ARHGEF18: variants seen among roughly 807,000 people sequenced by gnomAD.
The protein encoded by ARHGEF18 is rho guanine nucleotide exchange factor 18.
ARHGEF18 carries 93 observed loss-of-function variants against 155.7 expected under a neutral mutation model. That is an observed-to-expected ratio of 0.60 (90% CI 0.50 to 0.71). The LOEUF (loss-of-function observed/expected upper bound fraction) is 0.71, where lower values mean the gene tolerates loss of function less well. Ranked by LOEUF, ARHGEF18 falls within the 30% of genes least tolerant of loss-of-function variation. The pLI, the probability that ARHGEF18 is intolerant of heterozygous loss-of-function variation, is 0.00. For synonymous variants in ARHGEF18, 742 were observed against 753.1 expected, an observed-to-expected ratio of 0.99 and a Z score of 0.24; for missense variants, 1,593 against 1,816.1, an observed-to-expected ratio of 0.88 and a Z score of 2.23.
chr19:7,453,421 G>C, intron 16 of ARHGEF18, 46 bp from the exon 17 acceptor site: 1 of 1,547,016 alleles, frequency 6.5e-7, no homozygotes, highest in Middle Eastern at 1.7e-4. Flanking sequence ...CACTTCTGTT[G>C]TGTTAAAGTG....
intron 10 of ARHGEF18, among the ~76,000 whole-genome samples, chr19:7,384,064 C>T (rs917691512): frequency 6.6e-6 from 1 of 152,122 alleles, no homozygotes; most frequent in Non-Finnish European, 1.5e-5. Flanking sequence ...GTGGCAACTG[C>T]GTGTTAGAAA....
At chr19:7,429,223 C>T (rs1293963499) in intron 10 of ARHGEF18, among the ~76,000 whole-genome samples, 2 of 152,044 alleles carry the variant, frequency 1.3e-5, no homozygotes, top group African/African-American at 2.4e-5. Context: ...GTAGATGGGG[C>T]GGGATGAGAA....
chr19:7,459,115 G>A (rs928163061), intron 19 of ARHGEF18, among the ~76,000 whole-genome samples: 6 of 152,126 alleles, frequency 3.9e-5, no homozygotes, highest in Admixed American at 3.9e-4. Flanking sequence ...TGCAATCTCG[G>A]CTCACTGCAG....
At chr19:7,408,016 C>T (rs146210066) in intron 10 of ARHGEF18, among the ~76,000 whole-genome samples, 1,686 of 148,314 alleles carry the variant, frequency 0.011, 10 homozygotes, top group Admixed American at 0.018. Flanking sequence ...CAGTGGCTCA[C>T]GCCTGTAATC....
chr19:7,393,859 G>A (rs886884620), intron 10 of ARHGEF18, among the ~76,000 whole-genome samples: 2 of 149,218 alleles, frequency 1.3e-5, no homozygotes, highest in African/African-American at 2.5e-5. Context: ...ACATATTTGG[G>A]GGTTACCTGG....
downstream of ARHGEF18, chr19:7,476,924 C>T (rs1055897509): frequency 4.8e-5 from 19 of 394,934 alleles, no homozygotes; most frequent in Non-Finnish European, 2.2e-5. Flanking sequence ...TCTCAAGGCA[C>T]GACAGGCCCC....
chr19:7,405,039 C>T (rs979089449), intron 10 of ARHGEF18, among the ~76,000 whole-genome samples: 4 of 151,896 alleles, frequency 2.6e-5, no homozygotes, highest in African/African-American at 9.7e-5. Context: ...CTCACTGCAA[C>T]CTCTGTGTAC....
intron 10 of ARHGEF18, among the ~76,000 whole-genome samples, chr19:7,392,253 A>G (rs1195623382): frequency 1.3e-5 from 2 of 151,694 alleles, no homozygotes; most frequent in African/African-American, 4.8e-5. Context: ...AAAAAAAAAA[A>G]AAAAAAAAGA....
At chr19:7,435,891 T>G (rs117675781) in intron 10 of ARHGEF18, among the ~76,000 whole-genome samples, 1,798 of 152,236 alleles carry the variant, frequency 0.012, 18 homozygotes, top group Non-Finnish European at 0.019. Context: ...TGGAGTGCAG[T>G]GGGGCAGTCA....
chr19:7,424,129 C>T (rs1973520428), intron 10 of ARHGEF18, among the ~76,000 whole-genome samples: 1 of 152,024 alleles, frequency 6.6e-6, no homozygotes, highest in South Asian at 2.1e-4. Flanking sequence ...CGGGTTCAAG[C>T]GATTCTCCTG....
chr19:7,383,121 T>C lies in ARHGEF18; in HGVS notation c.885T>C (p.Cys295=), dbSNP rs1600243184. The C allele has an allele frequency of 4.9e-6, 6 of 1,232,068 alleles. No homozygotes were observed. Among genetic ancestry groups the C allele is most frequent in the Non-Finnish European group, 6.1e-6 (6 of 988,032 alleles). 76.3% of individuals were successfully genotyped at this position (1,232,068 alleles called of 1,614,324 possible). A position where few individuals can be genotyped will look rare whatever the true frequency, so the allele number is the denominator to read the frequency against. The part of the protein sequence containing the change: ...KGQDARERRE[C]VNGHQLLQGT... The stretch of plus-strand genomic sequence containing the variant: ...AGGATGCACGAGAGAGGCGGGAGTG[T>C]GTCAATGGGCACCAGCTGTTGCAAG... Residue 295 remains cysteine, a synonymous_variant, in exon 10 of 29, where the codon TGT becomes TGC. Coordinates refer to ENST00000668164, the MANE Select transcript of ARHGEF18 (RefSeq NM_001367823.1).
At chr19:7,459,238 TA>T (rs1568358289) in intron 19 of ARHGEF18, among the ~76,000 whole-genome samples, 3 of 151,970 alleles carry the variant, frequency 2.0e-5, no homozygotes, top group Non-Finnish European at 4.4e-5. Flanking sequence ...TTTTGTTTTT[TA>T]GAGTCTGGCT....
intron 23 of ARHGEF18, among the ~76,000 whole-genome samples, chr19:7,466,193 G>A (rs1214324762): frequency 1.3e-5 from 2 of 152,016 alleles, no homozygotes; most frequent in African/African-American, 4.8e-5. Flanking sequence ...AGACCAGCCT[G>A]ACCAACATGG....
chr19:7,434,020 T>TAAAAAAA (rs74939736), intron 10 of ARHGEF18, among the ~76,000 whole-genome samples: 1 of 82,230 alleles, frequency 1.2e-5, no homozygotes, highest in Non-Finnish European at 2.4e-5. Flanking sequence ...TCTGTCTCAT[T>TAAAAAAA]AAAAAAAAAA....
At chr19:7,356,036 G>A (rs1460468969) in intron 1 of ARHGEF18, among the ~76,000 whole-genome samples, 1 of 152,094 alleles carries the variant, frequency 6.6e-6, no homozygotes, top group African/African-American at 2.4e-5. Flanking sequence ...GATGCTGTTG[G>A]TTTCTGGCCC....
In ARHGEF18 at chr19:7,373,479, T is replaced by G. The variant is rs1416568684; in HGVS notation, c.275+408T>G. Among the ~76,000 whole-genome samples the G allele has an allele frequency of 6.0e-4, 80 of 132,614 alleles. 1 individual carries two copies. Among genetic ancestry groups the G allele is most frequent in the African/African-American group, 3.1e-3 (77 of 24,934 alleles). The allele number at this position is 132,614 out of a possible 152,430, so 87.0% of individuals were successfully genotyped here. ...TTTGTGTTTGTTTTTTTTTTTTTGT[T>G]TTTGTTTTTTTTTTGAGATGGAGTC... On this transcript the variant is annotated intron_variant, in intron 3 of 28. Coordinates refer to ENST00000668164, the MANE Select transcript of ARHGEF18 (RefSeq NM_001367823.1).
chr19:7,445,902 T>C (rs1488664647), intron 14 of ARHGEF18, among the ~76,000 whole-genome samples: 1 of 152,164 alleles, frequency 6.6e-6, no homozygotes, highest in Non-Finnish European at 1.5e-5. Context: ...GGATTACGTA[T>C]GTGAGCCACT....
rs575003524 is a variant in ARHGEF18, at chr19:7,405,437, C to A, written c.967+22234C>A. Among the ~76,000 whole-genome samples the A allele has an allele frequency of 2.5e-3, 380 of 152,248 alleles. 6 individuals are homozygous for A. The highest frequency in any genetic ancestry group is 2.3e-3 in the East Asian group (12 of 5,180). ...ACCAGTCATAGGCTCTAGGGCCCAC[C>A]CTAAATCGAAATTTCATCCCGAGAT... On this transcript the variant is annotated intron_variant, in intron 10 of 28. Coordinates refer to ENST00000668164, the MANE Select transcript of ARHGEF18 (RefSeq NM_001367823.1).
chr19:7,407,982 A>AC (rs1972438273), intron 10 of ARHGEF18, among the ~76,000 whole-genome samples: 1 of 150,642 alleles, frequency 6.6e-6, no homozygotes, highest in African/African-American at 2.4e-5. Context: ...AAAAAAAAAA[A>AC]AAAAAGAGGT....
Sources: gnomAD v4.1 joint callset for allele counts (sites outside exome capture counted in the v4.1 genomes callset) on GRCh38, gnomAD v4.1.1 for gene constraint, MANE v1.5 for transcripts, NCBI Gene and HGNC (gene_info 2026-07-23, HGNC 2026-07-21) for gene names.